Variants in SEMA5A observed in about 807,000 individuals in gnomAD.
SEMA5A encodes the protein semaphorin 5A.
Under a neutral mutation model 135.5 loss-of-function variants are expected in SEMA5A, and 55 were observed. The observed-to-expected ratio is 0.41, with a 90% CI of 0.33 to 0.51. The LOEUF (loss-of-function observed/expected upper bound fraction) is 0.51, where lower values mean the gene tolerates loss of function less well. Among genes scored for constraint, SEMA5A ranks in the 20% least tolerant of loss-of-function variants. The probability of loss-of-function intolerance (pLI) is 0.37; values close to 1 mark genes in which losing one functional copy is unlikely to be tolerated. For synonymous variants in SEMA5A, 580 were observed against 546.5 expected (o/e 1.06, Z -0.85); for missense variants, 1,290 against 1,419.9 (o/e 0.91, Z 1.47).
intron 5 of SEMA5A, chr5:9,265,341 A>G: frequency 2.3e-6 from 1 of 438,530 alleles, no homozygotes; most frequent in Non-Finnish European, 4.6e-6. Flanking sequence ...GTTCCTGCCT[A>G]TCCATGAGGT....
intron 2 of SEMA5A, among the ~76,000 whole-genome samples, chr5:9,394,505 T>G (rs1259933271): frequency 6.6e-6 from 1 of 152,158 alleles, no homozygotes; most frequent in East Asian, 1.9e-4. Flanking sequence ...CTGTGGCCAC[T>G]CACTGCCCAC....
chr5:9,294,335 G>A (rs1751228701), intron 5 of SEMA5A, among the ~76,000 whole-genome samples: 1 of 152,104 alleles, frequency 6.6e-6, no homozygotes, highest in Non-Finnish European at 1.5e-5. Context: ...ACAACCATGG[G>A]CCACTTTCCA....
rs192491417 is a variant in SEMA5A at position 9,188,616 on chromosome 5, A to T, written c.1273+1651T>A. 2.5e-3 allele frequency among the ~76,000 whole-genome samples: 382 copies of T among 152,260 alleles called. 2 individuals carry two copies. Among genetic ancestry groups the T allele is most frequent in the African/African-American group, 8.8e-3 (367 of 41,540 alleles). ...TCAACTGCCTCCTAGAATTGGAAGA[A>T]GATGGCCCTATTCTCCGTGTCATCA... On this transcript the variant is annotated intron_variant, in intron 11 of 22. Coordinates refer to ENST00000382496, the MANE Select transcript of SEMA5A (RefSeq NM_003966.3).
intron 3 of SEMA5A, among the ~76,000 whole-genome samples, chr5:9,341,562 C>T (rs1340334199): frequency 3.3e-5 from 5 of 151,036 alleles, no homozygotes; most frequent in Non-Finnish European, 7.4e-5. Flanking sequence ...AGTGAGTTTA[C>T]CTTTTTCCTC....
intron 3 of SEMA5A, among the ~76,000 whole-genome samples, chr5:9,348,113 G>A (rs1753957492): frequency 6.6e-6 from 1 of 152,194 alleles, no homozygotes; most frequent in African/African-American, 2.4e-5. Flanking sequence ...AGACCCACCT[G>A]GCAAGTGCAA....
intron 2 of SEMA5A, among the ~76,000 whole-genome samples, chr5:9,382,634 C>T (rs900638605): frequency 6.6e-6 from 1 of 152,184 alleles, no homozygotes; most frequent in Middle Eastern, 3.4e-3. Flanking sequence ...TATGAATAAA[C>T]CTGACCAGAA....
intron 16 of SEMA5A, among the ~76,000 whole-genome samples, chr5:9,082,786 G>A (rs1193494856): frequency 6.6e-6 from 1 of 152,162 alleles, no homozygotes; most frequent in Non-Finnish European, 1.5e-5. Flanking sequence ...ATGACCACTG[G>A]AGAAATCATC....
intron 9 of SEMA5A, among the ~76,000 whole-genome samples, chr5:9,197,518 T>G (rs1745461754): frequency 6.6e-6 from 1 of 152,230 alleles, no homozygotes; most frequent in Non-Finnish European, 1.5e-5. Flanking sequence ...AGTTAGCATT[T>G]AACACCTTGT....
chr5:9,287,431 T>C (rs1257285556), intron 5 of SEMA5A, among the ~76,000 whole-genome samples: 3 of 152,182 alleles, frequency 2.0e-5, no homozygotes, highest in Non-Finnish European at 4.4e-5. Context: ...TACATTGCAA[T>C]TATTTTTAGA....
chr5:9,502,274 G>A (rs1735639003), intron 1 of SEMA5A, among the ~76,000 whole-genome samples: 1 of 152,168 alleles, frequency 6.6e-6, no homozygotes, highest in Non-Finnish European at 1.5e-5. Context: ...AACACGCATA[G>A]TTGGAATTTA....
At chr5:9,162,478 G>GTGTATA (rs1553995408) in intron 11 of SEMA5A, among the ~76,000 whole-genome samples, 51 of 79,554 alleles carry the variant, frequency 6.4e-4, no homozygotes, top group African/African-American at 1.5e-3. Flanking sequence ...ATATATGTGT[G>GTGTATA]TGTGTATATA....
At chr5:9,216,694 T>C (rs748252957) in intron 8 of SEMA5A, among the ~76,000 whole-genome samples, 1 of 152,216 alleles carries the variant, frequency 6.6e-6, no homozygotes, top group Non-Finnish European at 1.5e-5. Context: ...TTTAGGATAG[T>C]TATGTCATCT....
chr5:9,089,638 T>C (rs982219889), intron 16 of SEMA5A, among the ~76,000 whole-genome samples: 5 of 152,196 alleles, frequency 3.3e-5, no homozygotes, highest in African/African-American at 7.2e-5. Flanking sequence ...CCTTGTTGCA[T>C]TGAATTGGCT....
chr5:9,072,266 C>A (rs1304772994), intron 16 of SEMA5A, among the ~76,000 whole-genome samples: 2 of 152,096 alleles, frequency 1.3e-5, no homozygotes, highest in Admixed American at 6.6e-5. Flanking sequence ...AGAAGGTTCC[C>A]AGGCCACAGC....
intron 8 of SEMA5A, among the ~76,000 whole-genome samples, chr5:9,221,146 G>A (rs186330683): frequency 7.7e-4 from 117 of 152,290 alleles, no homozygotes; most frequent in South Asian, 4.8e-3. Flanking sequence ...AAACTCAAGA[G>A]AGAAGTCTGA....
chr5:9,160,872 T>G (rs3797914), intron 11 of SEMA5A, among the ~76,000 whole-genome samples: 20,548 of 152,156 alleles, frequency 0.14, 2,112 homozygotes, highest in East Asian at 0.47. Flanking sequence ...AAAACAGTAG[T>G]AGATTCCATT....
At chr5:9,045,955 A>AATACTACT (rs1424739382) in intron 21 of SEMA5A, 1 of 152,252 alleles carries the variant, frequency 6.6e-6, no homozygotes, top group African/African-American at 2.4e-5. Context: ...ATGTTGGTGA[A>AATACTACT]ATACTACTAT....
At chr5:9,499,272 T>C (rs1255995665) in intron 1 of SEMA5A, among the ~76,000 whole-genome samples, 2 of 152,188 alleles carry the variant, frequency 1.3e-5, no homozygotes, top group Non-Finnish European at 2.9e-5. Context: ...CATCAAAGAA[T>C]TTAGTGTCGT....
intron 2 of SEMA5A, among the ~76,000 whole-genome samples, chr5:9,415,792 A>G (rs1379521411): frequency 6.6e-6 from 1 of 152,206 alleles, no homozygotes; most frequent in African/African-American, 2.4e-5. Flanking sequence ...GCCTCACTCT[A>G]TTTCAAAGAG....
Sources: gnomAD v4.1 joint callset for allele counts (sites outside exome capture counted in the v4.1 genomes callset) on GRCh38, gnomAD v4.1.1 for gene constraint, MANE v1.5 for transcripts, NCBI Gene and HGNC (gene_info 2026-07-23, HGNC 2026-07-21) for gene names.